Variants in ERICH3 observed in about 807,000 individuals in gnomAD.
The protein encoded by ERICH3 is glutamate rich 3.
In ERICH3, 126 loss-of-function variants were observed where a neutral mutation model predicts 131.1. The ratio of observed to expected loss-of-function variants is 0.96; its 90% CI spans 0.83 to 1.11. ERICH3 has a LOEUF of 1.11. Ranked by LOEUF, ERICH3 falls within the 50% of genes most tolerant of loss-of-function variation. The pLI, the probability that ERICH3 is intolerant of heterozygous loss-of-function variation, is 0.00. For missense variants in ERICH3, 2,050 were observed against 1,810.7 expected, an observed-to-expected ratio of 1.13 and a Z score of -2.40; for synonymous variants, 695 against 644.6, an observed-to-expected ratio of 1.08 and a Z score of -1.18.
intron 10 of ERICH3, among the ~76,000 whole-genome samples, chr1:74,601,758 G>A (rs763900264): frequency 4.6e-5 from 7 of 151,834 alleles, no homozygotes; most frequent in Admixed American, 6.6e-5. Context: ...TTACATAGTA[G>A]TGAAATGTCA....
At chr1:74,657,997 C>A (rs577355349) in intron 1 of ERICH3, among the ~76,000 whole-genome samples, 1 of 152,062 alleles carries the variant, frequency 6.6e-6, no homozygotes, top group African/African-American at 2.4e-5. Flanking sequence ...GCATTTATTG[C>A]GTACTTTCTT....
At chr1:74,660,336 T>C (rs1349322304) in intron 1 of ERICH3, among the ~76,000 whole-genome samples, 1 of 151,948 alleles carries the variant, frequency 6.6e-6, no homozygotes, top group Non-Finnish European at 1.5e-5. Flanking sequence ...CAATTTAACA[T>C]AAAATTAATA....
intron 10 of ERICH3, among the ~76,000 whole-genome samples, chr1:74,605,467 G>A (rs948629291): frequency 1.3e-5 from 2 of 151,444 alleles, no homozygotes; most frequent in Admixed American, 1.3e-4. Flanking sequence ...AGCCTGTCTT[G>A]GCTTTTGATA....
chr1:74,608,552 T>C (rs1648511324), intron 9 of ERICH3, among the ~76,000 whole-genome samples: 6 of 152,016 alleles, frequency 3.9e-5, no homozygotes, highest in Admixed American at 2.6e-4. Context: ...AGCGTAGAAA[T>C]AGCAAAGGAA....
chr1:74,620,900 A>G lies in ERICH3; in HGVS notation c.834T>C (p.Ile278=). ...CATTACTATGTAAGGATGTTTTATG[A>G]ATCCTTCTTGAATCCTGAAATAAAC... is the stretch of plus-strand genomic sequence containing the variant. ...EPLLTKDSRR[I]HKTSLHSNAA... is the part of the protein sequence containing the mutation. Residue 278 remains isoleucine, a synonymous_variant, in exon 8 of 15, where the codon ATT becomes ATC. Transcript: ENST00000326665. 6.3e-7 allele frequency: 1 copy of G among 1,594,758 alleles called. No individual in the cohort carries two copies. Among genetic ancestry groups the G allele is most frequent in the Non-Finnish European group, 8.5e-7 (1 of 1,171,826 alleles).
chr1:74,652,462 A>G lies in ERICH3; in HGVS notation c.24-3147T>C, dbSNP rs186297135. On this transcript the variant is annotated intron_variant, in intron 1 of 14. Coordinates refer to ENST00000326665, the MANE Select transcript of ERICH3 (RefSeq NM_001002912.5). ...CAGTTACAAGAGCTCACTGACCAAC[A>G]CAAACTCAGGTTAGCAGAGCTTTTC... is the stretch of plus-strand genomic sequence containing the variant. 1.3e-3 allele frequency among the ~76,000 whole-genome samples: 197 copies of G among 152,244 alleles called. 3 individuals carry two copies. The East Asian group carries it at 0.024, about 19-fold the overall frequency.
intron 6 of ERICH3, 142 bp downstream of exon 6, chr1:74,636,138 G>A (rs551895766): frequency 8.0e-5 from 52 of 649,732 alleles, no homozygotes; most frequent in African/African-American, 6.7e-4. Flanking sequence ...TTAATCACAA[G>A]TATGTAGTAA....
At chr1:74,608,546 T>TA (rs1247416773) in intron 9 of ERICH3, among the ~76,000 whole-genome samples, 3 of 152,082 alleles carry the variant, frequency 2.0e-5, no homozygotes, top group Admixed American at 2.0e-4. Flanking sequence ...ATCTGCAGCG[T>TA]AGAAATAGCA....
intron 8 of ERICH3, chr1:74,615,446 G>T (rs1486363401): frequency 1.3e-5 from 2 of 152,028 alleles, no homozygotes; most frequent in Non-Finnish European, 2.9e-5. Context: ...CATTATATAT[G>T]ATTATAATTA....
chr1:74,631,633 T>C (rs867714865), intron 7 of ERICH3, 80 bp downstream of exon 7: 1 of 1,213,884 alleles, frequency 8.2e-7, no homozygotes, highest in Middle Eastern at 2.3e-4. Flanking sequence ...CTCCAAATTC[T>C]TTTACTGCAA....
In ERICH3 at chr1:74,673,708, A is replaced by G. The variant is rs1570929532; in HGVS notation, c.-189T>C. On this transcript the variant is annotated 5_prime_UTR_variant, in exon 1 of 15. Coordinates refer to ENST00000326665, the MANE Select transcript of ERICH3 (RefSeq NM_001002912.5). Reference sequence around the variant, plus strand: ...GCTACCCGCAGCCTCCCGGGCTCCCACCCTCCGTTGGTATCCACAGCTTCC... The same window carrying G: ...GCTACCCGCAGCCTCCCGGGCTCCCGCCCTCCGTTGGTATCCACAGCTTCC... 2.2e-6 allele frequency: 1 copy of G among 464,636 alleles called. No individual in the cohort carries two copies. The highest frequency in any genetic ancestry group is 3.7e-6 in the Non-Finnish European group (1 of 270,344). The allele number at this position is 464,636 out of a possible 1,614,324, so 28.8% of individuals were successfully genotyped here.
intron 10 of ERICH3, among the ~76,000 whole-genome samples, chr1:74,601,746 T>G (rs571495977): frequency 6.6e-6 from 1 of 151,980 alleles, no homozygotes; most frequent in African/African-American, 2.4e-5. Flanking sequence ...CCATCCATAG[T>G]GTTACATAGT....
chr1:74,600,424 T>C (rs895948584), intron 10 of ERICH3, among the ~76,000 whole-genome samples: 1 of 151,864 alleles, frequency 6.6e-6, no homozygotes, highest in African/African-American at 2.4e-5. Flanking sequence ...GAAGTAACAC[T>C]GTGAATAGCA....
At position 74,630,955 on chromosome 1, in the gene ERICH3, T is replaced by C. The variant is rs184797874; in HGVS notation, c.819+758A>G. Among the ~76,000 whole-genome samples the C allele has an allele frequency of 2.0e-4, 30 of 152,116 alleles. No homozygotes were observed. In the East Asian group the frequency reaches 4.9e-3, roughly 25 times the overall value. On this transcript the variant is annotated intron_variant, in intron 7 of 14. Transcript: ENST00000326665. ...GATGGTCCCCATCTTCTGAGAAGGT[T>C]AGAGGTAAGGACAGCTGCTGGGAGT...
chr1:74,589,924 T>C lies in ERICH3; in HGVS notation c.1883A>G (p.Lys628Arg). The part of the protein sequence containing the change: ...SSSQELSEND[K>R]PRKSHLPIEE... ...AATTGGAAGGTGAGACTTTCTTGGC[T>C]TATCATTTTCACTCAGTTCCTGAGA... The change falls in exon 12 of 15, where the codon AAG becomes AGG. Residue 628 changes from lysine (K) to arginine (R), a missense_variant. By Grantham distance (26) the Lys-to-Arg change is conservative. Transcript: ENST00000326665. 6.2e-7 allele frequency: 1 copy of C among 1,614,066 alleles called. No homozygotes were observed. Among genetic ancestry groups the C allele is most frequent in the Non-Finnish European group, 8.5e-7 (1 of 1,179,972 alleles).
intron 11 of ERICH3, among the ~76,000 whole-genome samples, chr1:74,595,718 C>T (rs992379087): frequency 2.0e-5 from 3 of 152,014 alleles, no homozygotes; most frequent in Non-Finnish European, 4.4e-5. Context: ...TGTAGAGAAA[C>T]ACTTCATAGA....
In ERICH3 at chr1:74,673,533, C is replaced by G. The variant is rs371242062; in HGVS notation, c.-14G>C. ...AGAATGGCTCATTTTTGCAGGATCC[C>G]TTTTGGACCCCGCGGCAGGTGCGGA... On this transcript the variant is annotated 5_prime_UTR_variant, in exon 1 of 15. Transcript: ENST00000326665. The G allele has an allele frequency of 1.7e-5, 28 of 1,611,608 alleles. No homozygotes were observed. Among genetic ancestry groups the G allele is most frequent in the Non-Finnish European group, 2.2e-5 (26 of 1,179,114 alleles).
chr1:74,619,200 T>A (rs1649108313), intron 8 of ERICH3, among the ~76,000 whole-genome samples: 1 of 152,174 alleles, frequency 6.6e-6, no homozygotes, highest in Admixed American at 6.5e-5. Flanking sequence ...GTGACACCCT[T>A]TTTCCCATAA....
At chr1:74,576,804 T>C in intron 13 of ERICH3, 91 bp downstream of exon 13, 1 of 1,131,708 alleles carries the variant, frequency 8.8e-7, no homozygotes, top group Non-Finnish European at 1.3e-6. Context: ...GAAAGCCTAG[T>C]GATTTCAAGA....
Sources: allele counts gnomAD v4.1 joint callset (sites outside exome capture counted in the v4.1 genomes callset), GRCh38; gene constraint gnomAD v4.1.1; transcripts MANE v1.5; gene names NCBI Gene and HGNC (gene_info 2026-07-23, HGNC 2026-07-21).